Variants in DRICH1 observed in about 807,000 individuals in gnomAD.
The protein encoded by DRICH1 is aspartate rich 1, also known as aspartate-rich protein 1.
In DRICH1, 38 loss-of-function variants were observed where a neutral mutation model predicts 39.5. That is an observed-to-expected ratio of 0.96 (90% CI 0.74 to 1.26). The LOEUF (loss-of-function observed/expected upper bound fraction) is 1.26. Among genes scored for constraint, DRICH1 ranks in the 50% most tolerant of loss-of-function variants. DRICH1 has a pLI of 0.00. For missense variants in DRICH1, 279 were observed against 270.4 expected (o/e 1.03, Z -0.22); for synonymous variants, 84 against 99.5 (o/e 0.84, Z 0.93).
chr22:23,613,439 T>C, intron 10 of DRICH1, 109 bp from the exon 11 acceptor site: 1 of 996,176 alleles, frequency 1.0e-6, no homozygotes, highest in Non-Finnish European at 1.6e-6. Context: ...CACTCCATGC[T>C]GCTTCATACA....
At chr22:23,617,845 A>AT (rs967502511) in intron 6 of DRICH1, among the ~76,000 whole-genome samples, 188 bp from the exon 7 acceptor site, 4 of 152,204 alleles carry the variant, frequency 2.6e-5, no homozygotes, top group African/African-American at 9.6e-5. Context: ...TACTAGAGGC[A>AT]TCACGCAGCA....
chr22:23,589,801 G>A, the DRICH1 span, among the ~76,000 whole-genome samples: 1 of 152,294 alleles, frequency 6.6e-6, no homozygotes, highest in South Asian at 2.1e-4. Flanking sequence ...CCTGTTTGGT[G>A]GGATGACTCA....
intron 5 of DRICH1, among the ~76,000 whole-genome samples, chr22:23,619,842 C>T (rs1449679721): frequency 1.3e-5 from 2 of 151,680 alleles, no homozygotes; most frequent in Non-Finnish European, 2.9e-5. Context: ...CAGAGGTAAA[C>T]AGCAAGCACA....
chr22:23,594,687 C>A, the DRICH1 span, among the ~76,000 whole-genome samples: 127,543 of 151,452 alleles, frequency 0.84, 53,770 homozygotes, highest in African/African-American at 0.91. Context: ...TGAAACAACT[C>A]TTCAGGATCC....
chr22:23,597,753 G>T, the DRICH1 span, among the ~76,000 whole-genome samples: 1 of 151,022 alleles, frequency 6.6e-6, no homozygotes, highest in Admixed American at 6.6e-5. Context: ...TGGAGCTCAG[G>T]GTGTGGGAAG....
chr22:23,604,952 G>C (rs1194496230), downstream of DRICH1, among the ~76,000 whole-genome samples: 6 of 152,062 alleles, frequency 3.9e-5, no homozygotes, highest in Non-Finnish European at 8.8e-5. Flanking sequence ...TCTTGATCTA[G>C]TTGTCCCAGT....
intron 6 of DRICH1, among the ~76,000 whole-genome samples, chr22:23,618,493 C>T (rs1373658522): frequency 2.6e-5 from 4 of 152,016 alleles, no homozygotes; most frequent in Admixed American, 6.6e-5. Context: ...TCATGATTTC[C>T]TCTTTGTAAG....
Position 23,613,391 on chromosome 22 carries a change from C to G in DRICH1, c.644-61G>C. On this transcript the variant is annotated intron_variant, in intron 10 of 11. Transcript: ENST00000317749. ...GAGAGTGACTCACCCACTCCTCCTA[C>G]TTTACTTTAGCTGAAGCTGAGTGAT... 2.2e-6 allele frequency: 3 copies of G among 1,392,170 alleles called. No homozygotes were observed. The East Asian group carries it at 6.8e-5, about 32-fold the overall frequency. The allele number at this position is 1,392,170 out of a possible 1,614,324, so 86.2% of individuals were successfully genotyped here.
intron 9 of DRICH1, among the ~76,000 whole-genome samples, 191 bp from the exon 10 acceptor site, chr22:23,613,851 T>C (rs1181067620): frequency 6.6e-6 from 1 of 152,212 alleles, no homozygotes; most frequent in African/African-American, 2.4e-5. Flanking sequence ...AGAATTTACC[T>C]TTAATTTTAT....
At chr22:23,630,412 ACT>A (rs35643033) in intron 1 of DRICH1, among the ~76,000 whole-genome samples, 40,188 of 151,034 alleles carry the variant, frequency 0.27, 5,477 homozygotes, top group East Asian at 0.34. Context: ...TCCTTTCCAC[ACT>A]CTCTCTCTCT....
At chr22:23,604,916 C>G (rs532823808), downstream of DRICH1, among the ~76,000 whole-genome samples, 10 of 152,276 alleles carry the variant, frequency 6.6e-5, no homozygotes, top group South Asian at 1.0e-3. Context: ...AGTACATGGC[C>G]TTCCCTTTAT....
At chr22:23,621,037 G>A (rs150743912) in intron 4 of DRICH1, among the ~76,000 whole-genome samples, 87 of 152,230 alleles carry the variant, frequency 5.7e-4, no homozygotes, top group African/African-American at 2.0e-3. Flanking sequence ...AATGCGCCTT[G>A]TCATATTTTT....
At chr22:23,600,515 T>C in the DRICH1 span, among the ~76,000 whole-genome samples, 1 of 152,152 alleles carries the variant, frequency 6.6e-6, no homozygotes, top group African/African-American at 2.4e-5. Flanking sequence ...CTTGAGACCC[T>C]GTCTAGCTCA....
chr22:23,581,916 T>C, the DRICH1 span, among the ~76,000 whole-genome samples: 9 of 150,964 alleles, frequency 6.0e-5, no homozygotes, highest in African/African-American at 2.2e-4. Flanking sequence ...TCTTGACCAT[T>C]TTTAAGTACA....
chr22:23,601,880 T>C, the DRICH1 span, among the ~76,000 whole-genome samples: 683 of 152,358 alleles, frequency 4.5e-3, 4 homozygotes, highest in African/African-American at 0.016. Context: ...GTTGCCGTGG[T>C]TGGGGTACAG....
chr22:23,599,640 C>T, the DRICH1 span, among the ~76,000 whole-genome samples: 5 of 152,120 alleles, frequency 3.3e-5, no homozygotes, highest in East Asian at 1.9e-4. Flanking sequence ...AGAGAAGGGG[C>T]GCTGAGGTCA....
the DRICH1 span, chr22:23,583,548 T>G: frequency 6.6e-6 from 1 of 152,250 alleles, no homozygotes; most frequent in East Asian, 1.9e-4. Flanking sequence ...AGAGCCATAG[T>G]GAGCTCAGGC....
intron 1 of DRICH1, among the ~76,000 whole-genome samples, chr22:23,630,141 G>A (rs1272747309): frequency 3.3e-5 from 5 of 152,284 alleles, no homozygotes; most frequent in Admixed American, 6.5e-5. Flanking sequence ...CCATGCCAAC[G>A]TCTATTGTTC....
intron 3 of DRICH1, 87 bp from the exon 4 acceptor site, chr22:23,622,263 G>A: frequency 8.3e-7 from 1 of 1,199,680 alleles, no homozygotes; most frequent in Non-Finnish European, 1.2e-6. Context: ...GGTGTATGGA[G>A]GTGGTTGATT....
Sources: gnomAD v4.1 joint callset for allele counts (sites outside exome capture counted in the v4.1 genomes callset) on GRCh38, gnomAD v4.1.1 for gene constraint, MANE v1.5 for transcripts, NCBI Gene and HGNC (gene_info 2026-07-23, HGNC 2026-07-21) for gene names.